Variants in ARHGEF4 observed in about 807,000 individuals in gnomAD.
ARHGEF4 encodes the protein Rho guanine nucleotide exchange factor 4, also known as APC-stimulated guanine nucleotide exchange factor 1.
ARHGEF4 carries 119 observed loss-of-function variants against 162.0 expected under a neutral mutation model. That is an observed-to-expected ratio of 0.73 (90% CI 0.63 to 0.86). The LOEUF (loss-of-function observed/expected upper bound fraction) is 0.86, where lower values mean the gene tolerates loss of function less well. Among genes scored for constraint, ARHGEF4 ranks in the 40% least tolerant of loss-of-function variants. ARHGEF4 has a pLI of 0.00. For missense variants in ARHGEF4, 2,488 were observed against 2,456.0 expected, an observed-to-expected ratio of 1.01 and a Z score of -0.28; for synonymous variants, 1,014 against 979.9, an observed-to-expected ratio of 1.03 and a Z score of -0.65.
intron 4 of ARHGEF4, among the ~76,000 whole-genome samples, chr2:130,986,010 ATG>A (rs1264085181): frequency 4.7e-5 from 7 of 149,002 alleles, no homozygotes; most frequent in African/African-American, 1.2e-4. Flanking sequence ...AACATGTATG[ATG>A]TGTGTTGTGC....
chr2:130,873,252 A>G (rs1678605097), intron 1 of ARHGEF4, among the ~76,000 whole-genome samples: 1 of 152,188 alleles, frequency 6.6e-6, no homozygotes, highest in Non-Finnish European at 1.5e-5. Context: ...GCCTGTGGCA[A>G]AGGTTCAACA....
chr2:130,870,663 G>A (rs1678412005), intron 1 of ARHGEF4, among the ~76,000 whole-genome samples: 1 of 151,556 alleles, frequency 6.6e-6, no homozygotes, highest in African/African-American at 2.4e-5. Context: ...TTCCATCCCT[G>A]GGGAGGGGAA....
intron 4 of ARHGEF4, among the ~76,000 whole-genome samples, chr2:130,997,741 T>C (rs1181724821): frequency 6.6e-6 from 1 of 152,206 alleles, no homozygotes; most frequent in African/African-American, 2.4e-5. Context: ...TTTTGAAAAC[T>C]CAAATTTGTT....
chr2:130,948,689 G>A (rs182735626), intron 4 of ARHGEF4, among the ~76,000 whole-genome samples: 24 of 152,360 alleles, frequency 1.6e-4, no homozygotes, highest in African/African-American at 4.3e-4. Context: ...GGAAGTCAGA[G>A]GTCAGGGCTC....
intron 4 of ARHGEF4, among the ~76,000 whole-genome samples, chr2:130,951,256 A>C (rs1683942470): frequency 6.6e-6 from 1 of 152,210 alleles, no homozygotes; most frequent in Non-Finnish European, 1.5e-5. Context: ...TCACTTTCAG[A>C]ACTTGGCTGT....
At chr2:131,022,716 CT>C (rs149047122) in intron 4 of ARHGEF4, among the ~76,000 whole-genome samples, 5,819 of 149,962 alleles carry the variant, frequency 0.039, 176 homozygotes, top group South Asian at 0.14. Context: ...CCATGTAAAA[CT>C]TTTAGAAGAA....
At chr2:130,994,882 T>C (rs1269434702) in intron 4 of ARHGEF4, among the ~76,000 whole-genome samples, 1 of 152,246 alleles carries the variant, frequency 6.6e-6, no homozygotes, top group Non-Finnish European at 1.5e-5. Flanking sequence ...CTGATTTCCA[T>C]TGCTTCTGTT....
chr2:131,039,673 C>A, intron 6 of ARHGEF4: 1 of 1,214,164 alleles, frequency 8.2e-7, no homozygotes, highest in Non-Finnish European at 1.0e-6. Context: ...GGGCGCGCCA[C>A]CCATCCCCCT....
intron 3 of ARHGEF4, among the ~76,000 whole-genome samples, chr2:130,936,817 T>TTTA (rs1682968964): frequency 6.6e-6 from 1 of 152,156 alleles, no homozygotes; most frequent in Non-Finnish European, 1.5e-5. Context: ...ATTCATGTAC[T>TTTA]TTACCAAATT....
chr2:130,899,031 C>T (rs536593948), intron 1 of ARHGEF4, among the ~76,000 whole-genome samples: 1 of 152,298 alleles, frequency 6.6e-6, no homozygotes, highest in South Asian at 2.1e-4. Flanking sequence ...CTCCAGCTCA[C>T]AGCCAGCAAG....
At chr2:131,007,854 C>T (rs142428418) in intron 4 of ARHGEF4, among the ~76,000 whole-genome samples, 1,950 of 139,580 alleles carry the variant, frequency 0.014, 16 homozygotes, top group Non-Finnish European at 0.021. Context: ...CCCTATCCCC[C>T]GGGCTGGAGT....
intron 1 of ARHGEF4, among the ~76,000 whole-genome samples, chr2:130,913,746 A>G (rs184253484): frequency 1.3e-5 from 2 of 152,260 alleles, no homozygotes; most frequent in Admixed American, 1.3e-4. Context: ...TCTGATTTTT[A>G]ATGGGGTTGT....
At chr2:130,900,819 T>G (rs1680443658) in intron 1 of ARHGEF4, among the ~76,000 whole-genome samples, 1 of 152,214 alleles carries the variant, frequency 6.6e-6, no homozygotes, top group African/African-American at 2.4e-5. Context: ...GATCTTCTAT[T>G]GTAGCAAGCA....
At chr2:131,039,972 C>T in intron 6 of ARHGEF4, 44 bp from the exon 7 acceptor site, 1 of 1,542,924 alleles carries the variant, frequency 6.5e-7, no homozygotes, top group Non-Finnish European at 8.7e-7. Flanking sequence ...CGGGGCGTTG[C>T]TCCGAGGGAT....
chr2:130,916,394 C>T lies in ARHGEF4; in HGVS notation c.2448C>T (p.Ala816=), dbSNP rs1273622570. The change falls in exon 2 of 14, where the codon GCC becomes GCT. Residue 816 remains alanine, a synonymous_variant. Transcript: ENST00000409359. ...LATESPGGVP[A]PTTEGRRWGS... ...CTGAGAGCCCAGGAGGGGTCCCGGC[C>T]CCGACCACCGAGGGTCGCCGCTGGG... The T allele has an allele frequency of 6.5e-7, 1 of 1,530,048 alleles. No homozygotes were observed. The highest frequency in any genetic ancestry group is 1.4e-5 in the African/African-American group (1 of 72,322). The allele number at this position is 1,530,048 out of a possible 1,614,324, so 94.8% of individuals were successfully genotyped here.
At chr2:130,936,053 G>A (rs1682925604) in intron 3 of ARHGEF4, among the ~76,000 whole-genome samples, 1 of 151,842 alleles carries the variant, frequency 6.6e-6, no homozygotes, top group Admixed American at 6.6e-5. Flanking sequence ...CAACGAGAGT[G>A]AAACTCCACC....
At chr2:131,007,098 C>T (rs1573593822) in intron 4 of ARHGEF4, among the ~76,000 whole-genome samples, 1 of 152,190 alleles carries the variant, frequency 6.6e-6, no homozygotes, top group Admixed American at 6.5e-5. Flanking sequence ...AGAGTAAAGG[C>T]GTTTGTCATG....
intron 1 of ARHGEF4, among the ~76,000 whole-genome samples, chr2:130,875,798 C>T (rs1678791059): frequency 6.6e-6 from 1 of 152,174 alleles, no homozygotes; most frequent in Non-Finnish European, 1.5e-5. Context: ...TCTCTCCCTC[C>T]CGGCTCCCAC....
At chr2:130,994,170 C>T (rs574050858) in intron 4 of ARHGEF4, among the ~76,000 whole-genome samples, 107 of 152,184 alleles carry the variant, frequency 7.0e-4, no homozygotes, top group African/African-American at 2.5e-3. Context: ...TAACCTTTGT[C>T]TTTTAATTGG....
Sources: allele counts gnomAD v4.1 joint callset (sites outside exome capture counted in the v4.1 genomes callset), GRCh38; gene constraint gnomAD v4.1.1; transcripts MANE v1.5; gene names NCBI Gene and HGNC (gene_info 2026-07-23, HGNC 2026-07-21).